The following CCSER1 variants were observed in gnomAD, a reference collection of about 807,000 sequenced individuals.
CCSER1 encodes coiled-coil serine rich protein 1.
CCSER1 carries 41 observed loss-of-function variants against 82.0 expected under a neutral mutation model. That is an observed-to-expected ratio of 0.50 (90% CI 0.39 to 0.65). The LOEUF is 0.65. Among genes scored for constraint, CCSER1 ranks in the 30% least tolerant of loss-of-function variants. The pLI, the probability that CCSER1 is intolerant of heterozygous loss-of-function variation, is 0.00. For synonymous variants in CCSER1, 414 were observed against 383.9 expected, an observed-to-expected ratio of 1.08 and a Z score of -0.92; for missense variants, 1,119 against 1,064.2, an observed-to-expected ratio of 1.05 and a Z score of -0.72.
chr4:90,807,334 C>T (rs1043451114), intron 7 of CCSER1, among the ~76,000 whole-genome samples: 1 of 152,082 alleles, frequency 6.6e-6, no homozygotes. Flanking sequence ...GAGTATAATC[C>T]TTGTCCATAA....
intron 10 of CCSER1, among the ~76,000 whole-genome samples, chr4:91,415,753 G>T (rs938441093): frequency 6.6e-6 from 1 of 152,116 alleles, no homozygotes; most frequent in East Asian, 1.9e-4. Flanking sequence ...ATTCCAGGAA[G>T]AAGCCAATTT....
chr4:90,975,143 A>T (rs1735490087), intron 9 of CCSER1, among the ~76,000 whole-genome samples: 1 of 151,462 alleles, frequency 6.6e-6, no homozygotes, highest in Admixed American at 6.6e-5. Flanking sequence ...TTCAATTTAT[A>T]TGAAATGTTC....
At chr4:90,470,790 C>T (rs1035643457) in intron 5 of CCSER1, among the ~76,000 whole-genome samples, 1 of 142,440 alleles carries the variant, frequency 7.0e-6, no homozygotes, top group Admixed American at 6.8e-5. Context: ...AACAAAACAC[C>T]CAGATTTGAG....
At chr4:90,852,606 A>G (rs978533672) in intron 8 of CCSER1, among the ~76,000 whole-genome samples, 2 of 152,218 alleles carry the variant, frequency 1.3e-5, no homozygotes, top group East Asian at 1.9e-4. Context: ...ATCTCTGGCA[A>G]CGGCTCTAAC....
intron 1 of CCSER1, among the ~76,000 whole-genome samples, chr4:90,301,931 C>A (rs1183014506): frequency 6.6e-6 from 1 of 152,074 alleles, no homozygotes; most frequent in Non-Finnish European, 1.5e-5. Flanking sequence ...TTTCATTAAA[C>A]TTATTCAGCA....
intron 4 of CCSER1, among the ~76,000 whole-genome samples, chr4:90,429,337 G>A (rs1205578116): frequency 6.6e-6 from 1 of 151,748 alleles, no homozygotes; most frequent in African/African-American, 2.4e-5. Flanking sequence ...AAGCTGTTTG[G>A]ATGGCACAGT....
At chr4:91,232,389 AGTT>A (rs1738692538) in intron 10 of CCSER1, among the ~76,000 whole-genome samples, 1 of 151,818 alleles carries the variant, frequency 6.6e-6, no homozygotes, top group South Asian at 2.1e-4. Context: ...GAATTCCCTG[AGTT>A]GTTAGAACAA....
intron 3 of CCSER1, among the ~76,000 whole-genome samples, chr4:90,389,278 A>G (rs1166654725): frequency 6.6e-6 from 1 of 152,198 alleles, no homozygotes; most frequent in Non-Finnish European, 1.5e-5. Context: ...GGCTGACATG[A>G]CAACTTTAGG....
At chr4:90,853,025 G>A (rs1388091638) in intron 8 of CCSER1, among the ~76,000 whole-genome samples, 3 of 151,806 alleles carry the variant, frequency 2.0e-5, no homozygotes, top group African/African-American at 4.8e-5. Context: ...GAGGAGGAGC[G>A]AGAGATAAAG....
chr4:91,417,993 G>A lies in CCSER1; in HGVS notation c.2218-180579G>A, dbSNP rs569212291. Among the ~76,000 whole-genome samples, 3 of 151,928 alleles carry A rather than the reference G, an allele frequency of 2.0e-5. No individual in the cohort carries two copies. The East Asian group carries it at 5.8e-4, about 29-fold the overall frequency. Reference sequence around the variant, plus strand: ...GTTATAAAATTAAAAATCAACAACAGGAAGAAAAATCGAAAATTGGTAAAC... The same window carrying A: ...GTTATAAAATTAAAAATCAACAACAAGAAGAAAAATCGAAAATTGGTAAAC... On this transcript the variant is annotated intron_variant, in intron 10 of 10. Transcript: ENST00000509176.
intron 10 of CCSER1, among the ~76,000 whole-genome samples, chr4:91,396,760 TC>T (rs1415383447): frequency 1.3e-5 from 2 of 152,044 alleles, no homozygotes; most frequent in Admixed American, 6.6e-5. Context: ...ACAGAGATTT[TC>T]CTTTGATACC....
At chr4:91,077,353 G>A (rs1174158860) in intron 9 of CCSER1, among the ~76,000 whole-genome samples, 1 of 152,012 alleles carries the variant, frequency 6.6e-6, no homozygotes, top group African/African-American at 2.4e-5. Context: ...CTAAATCAAT[G>A]CACCTAAATG....
chr4:91,286,209 A>G (rs1399727552), intron 10 of CCSER1, among the ~76,000 whole-genome samples: 1 of 151,860 alleles, frequency 6.6e-6, no homozygotes, highest in Admixed American at 6.6e-5. Context: ...CTGTGAATCT[A>G]CAATGACAGG....
chr4:90,375,384 G>T (rs978292202), intron 3 of CCSER1, among the ~76,000 whole-genome samples: 5 of 152,144 alleles, frequency 3.3e-5, no homozygotes, highest in African/African-American at 1.2e-4. Flanking sequence ...GTAAAATATA[G>T]CTACTAGAAT....
chr4:91,465,250 T>C (rs1340871219), intron 10 of CCSER1, among the ~76,000 whole-genome samples: 1 of 152,190 alleles, frequency 6.6e-6, no homozygotes, highest in Non-Finnish European at 1.5e-5. Context: ...TGCTCCTGAA[T>C]GATTACTGGG....
intron 9 of CCSER1, among the ~76,000 whole-genome samples, chr4:90,931,306 G>A (rs577665646): frequency 4.0e-4 from 61 of 151,698 alleles, no homozygotes; most frequent in Admixed American, 2.6e-3. Flanking sequence ...AAGAATTACT[G>A]GGAATCATCT....
intron 6 of CCSER1, among the ~76,000 whole-genome samples, chr4:90,673,595 G>T (rs1333106400): frequency 1.3e-5 from 2 of 151,886 alleles, no homozygotes; most frequent in East Asian, 3.9e-4. Context: ...CTTCTGCTAG[G>T]TAAATATAAT....
intron 10 of CCSER1, among the ~76,000 whole-genome samples, chr4:91,351,831 A>G (rs1426591031): frequency 1.3e-5 from 2 of 152,024 alleles, no homozygotes; most frequent in Non-Finnish European, 1.5e-5. Context: ...CATTTGTCCT[A>G]TTTTGTTTTT....
intron 10 of CCSER1, among the ~76,000 whole-genome samples, chr4:91,191,956 T>G (rs1180995737): frequency 6.6e-6 from 1 of 152,208 alleles, no homozygotes; most frequent in African/African-American, 2.4e-5. Flanking sequence ...CTATTTTCAC[T>G]GCTTCATCTC....
Sources: gnomAD v4.1 joint callset for allele counts (sites outside exome capture counted in the v4.1 genomes callset) on GRCh38, gnomAD v4.1.1 for gene constraint, MANE v1.5 for transcripts, NCBI Gene and HGNC (gene_info 2026-07-23, HGNC 2026-07-21) for gene names.